Variants in NCAPH2 observed in about 807,000 individuals in gnomAD.
NCAPH2 encodes the protein condensin-2 complex subunit H2.
A neutral mutation model predicts 88.6 loss-of-function variants in NCAPH2; 56 were observed. That is an observed-to-expected ratio of 0.63 (90% CI 0.51 to 0.79). NCAPH2 has a LOEUF of 0.79. Among genes scored for constraint, NCAPH2 ranks in the 30% least tolerant of loss-of-function variants. NCAPH2 has a pLI of 0.00. For synonymous variants in NCAPH2, 378 were observed against 313.6 expected (o/e 1.21, Z -2.17); for missense variants, 794 against 792.0 (o/e 1.00, Z -0.03).
chr22:50,523,506 C>G lies in NCAPH2; in HGVS notation c.*131C>G. Reference sequence around the variant, plus strand: ...CTAAAAACCCTTTTATGTACACCTGCGCAGAGAAGAGGGCTGCCTGGCCTC... The same window carrying G: ...CTAAAAACCCTTTTATGTACACCTGGGCAGAGAAGAGGGCTGCCTGGCCTC... On this transcript the variant is annotated 3_prime_UTR_variant, in exon 20 of 20. Coordinates refer to ENST00000420993, the MANE Select transcript of NCAPH2 (RefSeq NM_152299.4). 6.5e-7 allele frequency: 1 copy of G among 1,543,860 alleles called. No homozygotes were observed.
rs774478662 is a variant in NCAPH2, at chr22:50,523,103, G to A, written c.1614G>A (p.Ala538=). ...AGCTCAATGAGTGGTGTCCCTTTGC[G>A]GAGCTGGTGGCTGGCCAGCCGGCCT... ...FPQLNEWCPF[A]ELVAGQPAFE... is the part of the protein sequence containing the mutation. The change falls in exon 19 of 20, where the codon GCG becomes GCA. Residue 538 remains alanine, a synonymous_variant. Coordinates refer to ENST00000420993, the MANE Select transcript of NCAPH2 (RefSeq NM_152299.4). 6 of 1,613,424 alleles carry A rather than the reference G, an allele frequency of 3.7e-6. No individual in the cohort carries two copies. Among genetic ancestry groups the A allele is most frequent in the Admixed American group, 1.7e-5 (1 of 59,954 alleles).
rs956404802 is a variant in NCAPH2, at chr22:50,522,548, C to T, written c.1354C>T (p.Pro452Ser). The T allele has an allele frequency of 1.9e-6, 3 of 1,613,590 alleles. No individual in the cohort carries two copies. Among genetic ancestry groups the T allele is most frequent in the African/African-American group, 2.7e-5 (2 of 74,850 alleles). The change falls in exon 16 of 20, where the codon CCC becomes TCC. Residue 452 changes from proline (P) to serine (S), a missense_variant. Physicochemically the swap from Pro to Ser is moderately conservative, Grantham distance 74. Around this residue, in one of 2 missense-constraint regions of NCAPH2, gnomAD observed 735 missense variants for 696.3 expected, o/e 1.06. Transcript: ENST00000420993. ...EEYMEPEGADPREAADLDAVP... is the reference protein window; with the variant it reads ...EEYMEPEGADSREAADLDAVP... ...GTACATGGAGCCCGAGGGAGCAGAC[C>T]CCAGGGAAGCCGCTGACCTTGGTAG... is the stretch of plus-strand genomic sequence containing the variant.
Position 50,523,699 on chromosome 22 carries a change from G to T in NCAPH2, c.*324G>T. ...CGATCTGCTCCGGCCGTAGTAATCC[G>T]TGAAGAGGCCGTCAGGGTTGAGCAG... is the stretch of plus-strand genomic sequence containing the variant. On this transcript the variant is annotated 3_prime_UTR_variant, in exon 20 of 20. Coordinates refer to ENST00000420993, the MANE Select transcript of NCAPH2 (RefSeq NM_152299.4). 6.2e-7 allele frequency: 1 copy of T among 1,614,188 alleles called. No individual in the cohort carries two copies. The highest frequency in any genetic ancestry group is 8.5e-7 in the Non-Finnish European group (1 of 1,180,038).
At position 50,523,905 on chromosome 22, in the gene NCAPH2, G is replaced by T; in HGVS notation, c.*530G>T. ...CCATGGCTTCAACGTCGTCCCGCTCGGGGTCCACAGTGATGAAGACAGGCT... is the reference window on the plus strand; with the variant it reads ...CCATGGCTTCAACGTCGTCCCGCTCTGGGTCCACAGTGATGAAGACAGGCT... On this transcript the variant is annotated 3_prime_UTR_variant, in exon 20 of 20. Transcript: ENST00000420993. 6.2e-7 allele frequency: 1 copy of T among 1,613,694 alleles called. No individual in the cohort carries two copies. Among genetic ancestry groups the T allele is most frequent in the Non-Finnish European group, 8.5e-7 (1 of 1,179,936 alleles).
chr22:50,516,799 C>A (rs1477716307), intron 2 of NCAPH2, among the ~76,000 whole-genome samples: 4 of 152,222 alleles, frequency 2.6e-5, no homozygotes, highest in Non-Finnish European at 5.9e-5. Flanking sequence ...GCTGTGTGCA[C>A]TTGGACACAG....
intron 1 of NCAPH2, among the ~76,000 whole-genome samples, chr22:50,513,104 A>G (rs912226131): frequency 6.6e-6 from 1 of 152,270 alleles, no homozygotes; most frequent in Non-Finnish European, 1.5e-5. Flanking sequence ...TGCTTTACAC[A>G]TATGAATGCA....
chr22:50,517,421 C>T lies in NCAPH2; in HGVS notation c.211-6C>T. 4 of 1,613,982 alleles carry T rather than the reference C, an allele frequency of 2.5e-6. No homozygotes were observed. Among genetic ancestry groups the T allele is most frequent in the Non-Finnish European group, 2.5e-6 (3 of 1,179,994 alleles). On this transcript the variant is annotated splice_region_variant and splice_polypyrimidine_tract_variant and intron_variant, in intron 2 of 19. Coordinates refer to ENST00000420993, the MANE Select transcript of NCAPH2 (RefSeq NM_152299.4). ...TGGGTCCTCACTGCCTGCATCTGGT[C>T]ACCAGGTGGAATACCTCTACTCACT... is the stretch of plus-strand genomic sequence containing the variant.
chr22:50,510,467 G>A (rs968456834), intron 1 of NCAPH2, among the ~76,000 whole-genome samples: 3 of 151,912 alleles, frequency 2.0e-5, no homozygotes, highest in Non-Finnish European at 4.4e-5. Flanking sequence ...TTGCTCTGTT[G>A]CCCGGGCTGG....
Position 50,521,786 on chromosome 22 carries a change from A to G in NCAPH2, c.1046A>G (p.Gln349Arg), listed in dbSNP as rs149386805. 6 of 1,613,876 alleles carry G rather than the reference A, an allele frequency of 3.7e-6. No individual in the cohort carries two copies. The highest frequency in any genetic ancestry group is 4.2e-6 in the Non-Finnish European group (5 of 1,180,044). Reference protein sequence around the residue: ...VPPCVEEALGQKRKRKGAAKL... With the variant: ...VPPCVEEALGRKRKRKGAAKL... The stretch of plus-strand genomic sequence containing the variant: ...CCCTGTGTGGAGGAGGCTCTGGGAC[A>G]GAAGCGCAAGAGGAAGGGCGCTGCC... Residue 349 changes from glutamine (Q) to arginine (R), a missense_variant, in exon 12 of 20, where the codon CAG (glutamine) becomes CGG (arginine). Physicochemically the swap from Gln to Arg is conservative, Grantham distance 43. Transcript: ENST00000420993.
At chr22:50,522,619 C>T in intron 16 of NCAPH2, 50 bp downstream of exon 16, 1 of 1,613,526 alleles carries the variant, frequency 6.2e-7, no homozygotes, top group Non-Finnish European at 8.5e-7. Flanking sequence ...GAGCTGGGGG[C>T]AGGGGAGAGC....
chr22:50,508,860 T>C (rs1358486600), intron 1 of NCAPH2, among the ~76,000 whole-genome samples: 4 of 152,282 alleles, frequency 2.6e-5, no homozygotes, highest in Non-Finnish European at 4.4e-5. Flanking sequence ...GCTATTGCCA[T>C]GCTCTATCCT....
Position 50,518,706 on chromosome 22 carries a change from C to T in NCAPH2, c.704C>T (p.Pro235Leu). The T allele has an allele frequency of 6.2e-7, 1 of 1,608,254 alleles. No individual in the cohort carries two copies. The highest frequency in any genetic ancestry group is 1.1e-5 in the South Asian group (1 of 89,736). Residue 235 changes from proline to leucine, a missense_variant, in exon 8 of 20, where the codon CCA becomes CTA. Transcript: ENST00000420993. ...GTTTCCGTGTGCAGGAGCCCTGTCC[C>T]AGCACTCGGCTTCTCCCAGGAGCCA... ...MEVSVCRSPVPALGFSQEPGP... is the reference protein window; with the variant it reads ...MEVSVCRSPVLALGFSQEPGP...
rs142239527 is a variant in NCAPH2, at chr22:50,523,875, G to C, written c.*500G>C. ...GTCTTGGGTGGAAGTCCTGGACGTA[G>C]CGGGCCATGGCTTCAACGTCGTCCC... On this transcript the variant is annotated 3_prime_UTR_variant, in exon 20 of 20. Coordinates refer to ENST00000420993, the MANE Select transcript of NCAPH2 (RefSeq NM_152299.4). The C allele has an allele frequency of 1.1e-4, 173 of 1,613,820 alleles. No homozygotes were observed. The highest frequency in any genetic ancestry group is 1.4e-4 in the Non-Finnish European group (161 of 1,180,032).
intron 1 of NCAPH2, among the ~76,000 whole-genome samples, chr22:50,510,332 C>G (rs1372238133): frequency 1.3e-5 from 2 of 152,120 alleles, no homozygotes; most frequent in Non-Finnish European, 2.9e-5. Context: ...AACTGCTGTG[C>G]TCAAGCAGTC....
At position 50,524,245 on chromosome 22, in the gene NCAPH2, C is replaced by T; in HGVS notation, c.*870C>T. 6.2e-7 allele frequency: 1 copy of T among 1,606,340 alleles called. No individual in the cohort carries two copies. Among genetic ancestry groups the T allele is most frequent in the Non-Finnish European group, 8.5e-7 (1 of 1,179,866 alleles). The stretch of plus-strand genomic sequence containing the variant: ...TGTGATCAGCAGCCGGGTTCGAAGC[C>T]CAGGGCCCTGGGGCTGGCCCTGCCC... On this transcript the variant is annotated 3_prime_UTR_variant, in exon 20 of 20. Transcript: ENST00000420993.
Position 50,522,934 on chromosome 22 carries a change from C to T in NCAPH2, c.1527+12C>T, listed in dbSNP as rs1376554362. 1 of 1,612,298 alleles carries T rather than the reference C, an allele frequency of 6.2e-7. No homozygotes were observed. The highest frequency in any genetic ancestry group is 2.2e-5 in the East Asian group (1 of 44,856). On this transcript the variant is annotated intron_variant, in intron 18 of 19. Transcript: ENST00000420993. ...TGCTCCAGGAGCAGGTGAGGCGGGGCCGCTGGGAACCAGAGCTGTGTGCCA... is the reference window on the plus strand; with the variant it reads ...TGCTCCAGGAGCAGGTGAGGCGGGGTCGCTGGGAACCAGAGCTGTGTGCCA...
At position 50,523,607 on chromosome 22, in the gene NCAPH2, T is replaced by C. The variant is rs367687053; in HGVS notation, c.*232T>C. ...TTTAATGATGGGGCCCAGACTGCAGTGGCTCAAGACAGGACACTGCGGAAA... is the reference window on the plus strand; with the variant it reads ...TTTAATGATGGGGCCCAGACTGCAGCGGCTCAAGACAGGACACTGCGGAAA... On this transcript the variant is annotated 3_prime_UTR_variant, in exon 20 of 20. Coordinates refer to ENST00000420993, the MANE Select transcript of NCAPH2 (RefSeq NM_152299.4). 3.5e-5 allele frequency: 57 copies of C among 1,613,026 alleles called. 1 individual carries two copies. The African/African-American group carries it at 5.5e-4, about 15-fold the overall frequency.
chr22:50,520,116 C>T (rs938523738), intron 9 of NCAPH2, among the ~76,000 whole-genome samples: 1 of 152,130 alleles, frequency 6.6e-6, no homozygotes, highest in Non-Finnish European at 1.5e-5. Flanking sequence ...GTGATCTGCC[C>T]GTCTTGGCCT....
In NCAPH2 at chr22:50,521,697, C is replaced by G. The variant is rs2069103487; in HGVS notation, c.1001-44C>G. The G allele has an allele frequency of 5.0e-6, 8 of 1,612,254 alleles. No homozygotes were observed. In the South Asian group the frequency reaches 8.8e-5, roughly 18 times the overall value. On this transcript the variant is annotated intron_variant, in intron 11 of 19. Coordinates refer to ENST00000420993, the MANE Select transcript of NCAPH2 (RefSeq NM_152299.4). Reference sequence around the variant, plus strand: ...GGGGGGGTGGGAGTGGGCTTTGCACCCTGATCCCCCAGCGGCTCTAAGACA... The same window carrying G: ...GGGGGGGTGGGAGTGGGCTTTGCACGCTGATCCCCCAGCGGCTCTAAGACA...
Sources: gnomAD v4.1 joint callset for allele counts (sites outside exome capture counted in the v4.1 genomes callset) on GRCh38, gnomAD v4.1.1 for gene constraint, gnomAD v4.1.1 regional missense constraint, MANE v1.5 for transcripts, NCBI Gene and HGNC (gene_info 2026-07-23, HGNC 2026-07-21) for gene names.